The following IQGAP2 variants were observed in gnomAD, a reference collection of about 807,000 sequenced individuals.
The protein encoded by IQGAP2 is ras GTPase-activating-like protein IQGAP2.
In IQGAP2, 173 loss-of-function variants were observed where a neutral mutation model predicts 201.3. That is an observed-to-expected ratio of 0.86 (90% confidence interval 0.76 to 0.98). The LOEUF (loss-of-function observed/expected upper bound fraction) is 0.98. Among genes scored for constraint, IQGAP2 ranks in the 50% least tolerant of loss-of-function variants. IQGAP2 has a pLI of 0.00. For synonymous variants in IQGAP2, 675 were observed against 673.9 expected (o/e 1.00, Z -0.03); for missense variants, 1,687 against 1,864.8 (o/e 0.90, Z 1.76).
At chr5:76,438,025 T>G (rs1363134982) in intron 1 of IQGAP2, among the ~76,000 whole-genome samples, 5 of 53,554 alleles carry the variant, frequency 9.3e-5, no homozygotes, top group Admixed American at 2.0e-4. Context: ...TTTTTTTTTT[T>G]TTTTTGTTTG....
chr5:76,443,828 C>G (rs540261871), intron 1 of IQGAP2, among the ~76,000 whole-genome samples: 1 of 152,258 alleles, frequency 6.6e-6, no homozygotes, highest in Non-Finnish European at 1.5e-5. Context: ...TGGGCAAACT[C>G]TAGTTTCATG....
intron 5 of IQGAP2, among the ~76,000 whole-genome samples, chr5:76,580,878 T>C (rs1040184808): frequency 2.0e-5 from 3 of 152,236 alleles, no homozygotes; most frequent in Non-Finnish European, 2.9e-5. Context: ...TTTATATTAA[T>C]TTTTCAAGTT....
At chr5:76,623,135 TC>T in intron 13 of IQGAP2, 1 of 1,607,882 alleles carries the variant, frequency 6.2e-7, no homozygotes, top group Non-Finnish European at 8.5e-7. Context: ...GAAACCCACA[TC>T]CCCATCCTAC....
At position 76,631,885 on chromosome 5, in the gene IQGAP2, C is replaced by T; in HGVS notation, c.1639C>T (p.Gln547Ter). The T allele has an allele frequency of 6.3e-7, 1 of 1,598,318 alleles. No individual in the cohort carries two copies. The highest frequency in any genetic ancestry group is 8.5e-7 in the Non-Finnish European group (1 of 1,171,926). The change falls in exon 15 of 36, where the codon CAG (glutamine) becomes TAG (stop). Residue 547 changes from glutamine to a stop codon, truncating the protein, a stop_gained. Transcript: ENST00000274364. LOFTEE classifies it high-confidence loss of function. ...QWVTLVVDVN[Q>*]CLEGKKSSDI... ...GGTTACTCTGGTGGTTGATGTTAAT[C>T]AGTGTTTGGAAGGAAAAAAATCAAG... is the stretch of plus-strand genomic sequence containing the variant.
At position 76,673,980 on chromosome 5, in the gene IQGAP2, C is replaced by A. The variant is rs775027919; in HGVS notation, c.3238C>A (p.Leu1080Met). 8.1e-6 allele frequency: 13 copies of A among 1,605,772 alleles called. No homozygotes were observed. In the Admixed American group the frequency reaches 2.2e-4, roughly 27 times the overall value. ...PYGLRYIAKV[L>M]KNSIHEKFPD... Reference sequence around the variant, plus strand: ...TGGATTGAGGTATATAGCCAAAGTACTGAAGAATTCGATCCATGAGAAATT... The same window carrying A: ...TGGATTGAGGTATATAGCCAAAGTAATGAAGAATTCGATCCATGAGAAATT... The change falls in exon 26 of 36, where the codon CTG becomes ATG. Residue 1080 changes from leucine to methionine, a missense_variant. By Grantham distance (15) the Leu-to-Met change is conservative (BLOSUM62 2). Coordinates refer to ENST00000274364, the MANE Select transcript of IQGAP2 (RefSeq NM_006633.5).
At chr5:76,617,465 A>G in intron 13 of IQGAP2, 2 of 719,488 alleles carry the variant, frequency 2.8e-6, no homozygotes, top group South Asian at 1.9e-5. Context: ...GTAATGTTTG[A>G]CCTTTGAAGC....
intron 33 of IQGAP2, among the ~76,000 whole-genome samples, 163 bp from the exon 34 acceptor site, chr5:76,700,912 CT>C (rs1747321218): frequency 6.6e-6 from 1 of 152,214 alleles, no homozygotes; most frequent in Non-Finnish European, 1.5e-5. Context: ...TGAAGTTGCA[CT>C]CTATGGACAA....
chr5:76,453,204 G>A (rs935445008), intron 1 of IQGAP2, among the ~76,000 whole-genome samples: 2 of 152,106 alleles, frequency 1.3e-5, no homozygotes, highest in Non-Finnish European at 1.5e-5. Flanking sequence ...ATGAGCCACC[G>A]CACCCAGCCT....
In IQGAP2 at chr5:76,701,068, T is replaced by C. The variant is rs1747338799; in HGVS notation, c.4368-8T>C. On this transcript the variant is annotated splice_region_variant and splice_polypyrimidine_tract_variant and intron_variant, in intron 33 of 35. Coordinates refer to ENST00000274364, the MANE Select transcript of IQGAP2 (RefSeq NM_006633.5). ...ATAACAACAAATGTTCTGTTCTTAT[T>C]TTGTCAGAAATACTCGGAGATCAAT... 1.3e-5 allele frequency: 21 copies of C among 1,613,934 alleles called. No homozygotes were observed. Among genetic ancestry groups the C allele is most frequent in the Non-Finnish European group, 1.7e-5 (20 of 1,179,864 alleles).
intron 4 of IQGAP2, among the ~76,000 whole-genome samples, chr5:76,573,855 C>T (rs972380674): frequency 6.6e-6 from 1 of 151,368 alleles, no homozygotes; most frequent in Admixed American, 6.6e-5. Flanking sequence ...AACTCCTGAC[C>T]TCACGTGATC....
At chr5:76,423,281 G>A (rs1238502203) in intron 1 of IQGAP2, among the ~76,000 whole-genome samples, 1 of 152,166 alleles carries the variant, frequency 6.6e-6, no homozygotes, top group Non-Finnish European at 1.5e-5. Flanking sequence ...AGTTACTGGG[G>A]TTGGCTGGTA....
chr5:76,433,864 C>A (rs371451005), intron 1 of IQGAP2, among the ~76,000 whole-genome samples: 1 of 152,164 alleles, frequency 6.6e-6, no homozygotes, highest in South Asian at 2.1e-4. Flanking sequence ...TTCTCATAGT[C>A]ATCTTTACAT....
chr5:76,621,340 TTAAAG>T lies in IQGAP2; in HGVS notation c.1522-6069_1522-6065del, dbSNP rs1580639874. The stretch of plus-strand genomic sequence containing the variant: ...CAGGTATCATTTAAGAAAAGGTAGA[TTAAAG>T]AAAAGGAAAGAAAAATTTGGGAGGC... On this transcript the variant is annotated intron_variant, in intron 13 of 35. Transcript: ENST00000274364. Among the ~76,000 whole-genome samples, 8 of 152,234 alleles carry T rather than the reference TTAAAG, an allele frequency of 5.3e-5. No homozygotes were observed. In the East Asian group the frequency reaches 1.4e-3, roughly 26 times the overall value.
intron 1 of IQGAP2, among the ~76,000 whole-genome samples, chr5:76,417,157 A>G (rs530418135): frequency 4.2e-4 from 64 of 152,320 alleles, no homozygotes; most frequent in Non-Finnish European, 8.1e-4. Context: ...GTGTGTGTCT[A>G]CAGTGGGGAG....
At chr5:76,657,669 T>A (rs1411410603) in intron 20 of IQGAP2, among the ~76,000 whole-genome samples, 1 of 152,180 alleles carries the variant, frequency 6.6e-6, no homozygotes, top group African/African-American at 2.4e-5. Context: ...TTCTTACAGT[T>A]TACCCAGATC....
intron 5 of IQGAP2, among the ~76,000 whole-genome samples, chr5:76,585,771 C>G (rs1294142727): frequency 1.3e-5 from 2 of 152,094 alleles, no homozygotes; most frequent in Non-Finnish European, 2.9e-5. Flanking sequence ...GCCTCGGCCT[C>G]CCAAAGTGCT....
intron 1 of IQGAP2, among the ~76,000 whole-genome samples, chr5:76,454,567 T>G (rs892173302): frequency 9.9e-5 from 15 of 151,892 alleles, no homozygotes; most frequent in Non-Finnish European, 1.9e-4. Flanking sequence ...CTTGCAATAG[T>G]TTGCTGAGAA....
intron 5 of IQGAP2, among the ~76,000 whole-genome samples, chr5:76,576,799 A>AT (rs937236848): frequency 1.1e-4 from 16 of 151,754 alleles, no homozygotes; most frequent in Admixed American, 3.3e-4. Context: ...CTTTGCTATG[A>AT]TTTTTTTTTA....
intron 2 of IQGAP2, among the ~76,000 whole-genome samples, chr5:76,463,799 A>G (rs182647799): frequency 6.6e-6 from 1 of 151,966 alleles, no homozygotes; most frequent in African/African-American, 2.4e-5. Context: ...GATGTAGTAT[A>G]TATTTATGAA....
Sources: allele counts gnomAD v4.1 joint callset (sites outside exome capture counted in the v4.1 genomes callset), GRCh38; gene constraint gnomAD v4.1.1; transcripts MANE v1.5; gene names NCBI Gene and HGNC (gene_info 2026-07-23, HGNC 2026-07-21).